TTC31: variants seen among roughly 807,000 people sequenced by gnomAD.
TTC31 encodes tetratricopeptide repeat protein 31.
In TTC31, 59 loss-of-function variants were observed where a neutral mutation model predicts 60.4. The observed-to-expected ratio is 0.98, with a 90% CI of 0.79 to 1.21. The LOEUF (loss-of-function observed/expected upper bound fraction) is 1.21. TTC31 is among the 50% of genes most tolerant of loss of function. TTC31 has a pLI of 0.00. For synonymous variants in TTC31, 225 were observed against 249.6 expected (o/e 0.90, Z 0.93); for missense variants, 672 against 646.9 (o/e 1.04, Z -0.42).
intron 2 of TTC31, 43 bp from the exon 3 acceptor site, chr2:74,489,977 GGAACT>G (rs1318303680): frequency 7.2e-7 from 1 of 1,387,648 alleles, no homozygotes; most frequent in Non-Finnish European, 1.0e-6. Flanking sequence ...GCTCTCTCCA[GGAACT>G]GCCCCCAACA....
intron 2 of TTC31, chr2:74,483,625 G>A (rs1672715544): frequency 2.1e-6 from 3 of 1,411,598 alleles, no homozygotes; most frequent in South Asian, 1.4e-5. Flanking sequence ...GAAGTGGGTA[G>A]AATTGAGCAG....
Position 74,492,975 on chromosome 2 carries a change from G to A in TTC31, c.1317G>A (p.Gln439=). Residue 439 remains glutamine (Q), a synonymous_variant, in exon 13 of 13, where the codon CAG becomes CAA. Transcript: ENST00000233623. ...CACCTCTGTCACCTGGGGCCCTCCA[G>A]CCACTTCCCCATGCTGAGCTGGCAC... is the stretch of plus-strand genomic sequence containing the variant. The part of the protein sequence containing the change: ...CAPPLSPGAL[Q]PLPHAELAPS... The A allele has an allele frequency of 6.2e-7, 1 of 1,613,856 alleles. No homozygotes were observed. Among genetic ancestry groups the A allele is most frequent in the Non-Finnish European group, 8.5e-7 (1 of 1,179,776 alleles).
In TTC31 at chr2:74,492,351, C is replaced by CG. The variant is rs759411925; in HGVS notation, c.1068dup (p.Trp357ValfsTer5). 3.8e-6 allele frequency: 6 copies of CG among 1,564,492 alleles called. No homozygotes were observed. Among genetic ancestry groups the CG allele is most frequent in the Non-Finnish European group, 5.2e-6 (6 of 1,152,568 alleles). ...TGCCATGAGCGGTTGGGTCAGCCAG[C>CG]GTGGGCCCTGGCTGATGCCCAGGTG... On this transcript the variant is annotated frameshift_variant, in exon 11 of 13. Coordinates refer to ENST00000233623, the MANE Select transcript of TTC31 (RefSeq NM_022492.6). LOFTEE classifies it high-confidence loss of function.
chr2:74,490,241 C>CAA lies in TTC31; in HGVS notation c.233-2_233-1insAA. ...TTTCCTGTCTCTTTCTCCCTCCTGA[C>CAA]AGATTACCTCCTGGGCCACTTGGAT... On this transcript the variant is annotated splice_region_variant and splice_polypyrimidine_tract_variant and intron_variant, in intron 3 of 12. Coordinates refer to ENST00000233623, the MANE Select transcript of TTC31 (RefSeq NM_022492.6). 1 of 1,613,368 alleles carries CAA rather than the reference C, an allele frequency of 6.2e-7. No homozygotes were observed.
At position 74,493,353 on chromosome 2, in the gene TTC31, C is replaced by A; in HGVS notation, c.*135C>A. 1 of 949,242 alleles carries A rather than the reference C, an allele frequency of 1.1e-6. No homozygotes were observed. The highest frequency in any genetic ancestry group is 1.5e-6 in the Non-Finnish European group (1 of 657,936). 58.8% of individuals were successfully genotyped at this position (949,242 alleles called of 1,614,324 possible). ...GTTAATGATGCCCTGGCAGTCATTC[C>A]TCTTGCCATGGGGAAGCTTCTGATG... is the stretch of plus-strand genomic sequence containing the variant. On this transcript the variant is annotated 3_prime_UTR_variant, in exon 13 of 13. Coordinates refer to ENST00000233623, the MANE Select transcript of TTC31 (RefSeq NM_022492.6).
rs1215435209 is a variant in TTC31 at position 74,490,891 on chromosome 2, C to T, written c.546+152C>T. 5.4e-6 allele frequency: 5 copies of T among 922,378 alleles called. No homozygotes were observed. In the East Asian group the frequency reaches 1.3e-4, roughly 24 times the overall value. The allele number at this position is 922,378 out of a possible 1,614,324, so 57.1% of individuals were successfully genotyped here. ...AAGGGGCCCAGGGACTGGGGGGTCT[C>T]TCACAGGCCATCTGGTGCAGTGGTT... is the stretch of plus-strand genomic sequence containing the variant. On this transcript the variant is annotated intron_variant, in intron 5 of 12. Coordinates refer to ENST00000233623, the MANE Select transcript of TTC31 (RefSeq NM_022492.6).
Position 74,491,835 on chromosome 2 carries a change from C to T in TTC31, c.876+163C>T, listed in dbSNP as rs559063558. 4.0e-5 allele frequency: 56 copies of T among 1,387,670 alleles called. No homozygotes were observed. The East Asian group carries it at 5.2e-4, about 13-fold the overall frequency. The allele number at this position is 1,387,670 out of a possible 1,614,324, so 86.0% of individuals were successfully genotyped here. A position where few individuals can be genotyped will look rare whatever the true frequency, so the allele number is the denominator to read the frequency against. On this transcript the variant is annotated intron_variant, in intron 8 of 12. Coordinates refer to ENST00000233623, the MANE Select transcript of TTC31 (RefSeq NM_022492.6). ...GGCCCCATCACTGTCACCATGACCCCGGGTGGTTTCCTGTCTAGGAAGATA... is the reference window on the plus strand; with the variant it reads ...GGCCCCATCACTGTCACCATGACCCTGGGTGGTTTCCTGTCTAGGAAGATA...
chr2:74,483,115 C>T lies in TTC31; in HGVS notation c.20C>T (p.Thr7Ile), dbSNP rs200922006. MAPIPK[T>I]VGRIKLDCSL... ...GATGCGATGGCGCCGATTCCAAAGA[C>T]TGTGGGGCGGATCAAGCTAGGTGAG... The change falls in exon 1 of 13, where the codon ACT (threonine) becomes ATT (isoleucine). Residue 7 changes from threonine (T) to isoleucine (I), a missense_variant. Thr to Ile is a moderately conservative substitution (Grantham distance 89, BLOSUM62 -1). Coordinates refer to ENST00000233623, the MANE Select transcript of TTC31 (RefSeq NM_022492.6). The T allele has an allele frequency of 6.2e-6, 10 of 1,614,100 alleles. No individual in the cohort carries two copies. The highest frequency in any genetic ancestry group is 1.7e-5 in the Admixed American group (1 of 60,006).
Position 74,490,017 on chromosome 2 carries a change from C to T in TTC31, c.130-8C>T, listed in dbSNP as rs746817938. On this transcript the variant is annotated splice_region_variant and splice_polypyrimidine_tract_variant and intron_variant, in intron 2 of 12. Coordinates refer to ENST00000233623, the MANE Select transcript of TTC31 (RefSeq NM_022492.6). ...ACCAGCCTCCCCTCCCCTCCCCTCC[C>T]CTCCCAGGACATAGTGGATTTTCTT... 6.5e-7 allele frequency: 1 copy of T among 1,543,450 alleles called. No individual in the cohort carries two copies. Among genetic ancestry groups the T allele is most frequent in the South Asian group, 1.2e-5 (1 of 84,004 alleles).
chr2:74,490,066 C>A lies in TTC31; in HGVS notation c.171C>A (p.Pro57=), dbSNP rs981822615. ...TTCGACGGCTTGTGGAGAGTGATCC[C>A]CAGGGCCTGCACCGGATCCATGTGG... is the stretch of plus-strand genomic sequence containing the variant. ...DFLRRLVESD[P]QGLHRIHVDG... Residue 57 remains proline, a synonymous_variant, in exon 3 of 13, where the codon CCC becomes CCA. Coordinates refer to ENST00000233623, the MANE Select transcript of TTC31 (RefSeq NM_022492.6). 2 of 1,580,278 alleles carry A rather than the reference C, an allele frequency of 1.3e-6. No homozygotes were observed. Among genetic ancestry groups the A allele is most frequent in the African/African-American group, 2.7e-5 (2 of 74,422 alleles).
chr2:74,483,624 A>G, intron 2 of TTC31: 2 of 1,411,794 alleles, frequency 1.4e-6, no homozygotes, highest in Non-Finnish European at 1.9e-6. Flanking sequence ...CGAAGTGGGT[A>G]GAATTGAGCA....
chr2:74,483,639 AGGG>A, intron 2 of TTC31: 2 of 1,376,888 alleles, frequency 1.5e-6, no homozygotes, highest in Non-Finnish European at 1.9e-6. Flanking sequence ...TGAGCAGACA[AGGG>A]TCTCTGAGTT....
At chr2:74,483,510 G>C (rs746761834) in intron 2 of TTC31, 100 bp downstream of exon 2, 27 of 1,579,668 alleles carry the variant, frequency 1.7e-5, no homozygotes, top group Non-Finnish European at 2.0e-5. Context: ...GCCAGACGGG[G>C]CTCTGGAGGC....
At chr2:74,489,278 G>A (rs371616450) in intron 2 of TTC31, among the ~76,000 whole-genome samples, 1 of 152,336 alleles carries the variant, frequency 6.6e-6, no homozygotes, top group East Asian at 1.9e-4. Context: ...ATTTGAACTG[G>A]ACCTTGAAGG....
chr2:74,483,521 T>A (rs756452664), intron 2 of TTC31, 111 bp downstream of exon 2: 9 of 1,566,472 alleles, frequency 5.7e-6, no homozygotes, highest in Non-Finnish European at 7.8e-6. Context: ...CTCTGGAGGC[T>A]TTGGGGAGTT....
chr2:74,487,985 T>C (rs920246224), intron 2 of TTC31, among the ~76,000 whole-genome samples: 8 of 152,132 alleles, frequency 5.3e-5, no homozygotes, highest in African/African-American at 1.9e-4. Context: ...CAGCCATATT[T>C]ATTTATCGAG....
intron 6 of TTC31, 41 bp from the exon 7 acceptor site, chr2:74,491,254 C>T (rs749232616): frequency 6.2e-7 from 1 of 1,614,102 alleles, no homozygotes; most frequent in South Asian, 1.1e-5. Flanking sequence ...GCAGGCAGCT[C>T]AAGGTGATCC....
chr2:74,488,981 G>C (rs370401730), intron 2 of TTC31, among the ~76,000 whole-genome samples: 1 of 152,134 alleles, frequency 6.6e-6, no homozygotes, highest in Non-Finnish European at 1.5e-5. Flanking sequence ...GCTTGAACAC[G>C]GGAGGCAGAG....
In TTC31 at chr2:74,491,691, C is replaced by T. The variant is rs748574038; in HGVS notation, c.876+19C>T. On this transcript the variant is annotated intron_variant, in intron 8 of 12. Coordinates refer to ENST00000233623, the MANE Select transcript of TTC31 (RefSeq NM_022492.6). The stretch of plus-strand genomic sequence containing the variant: ...GGTACAGGTGAGGTGGCTGAAGAAC[C>T]TTATTCAGCTGGAACCGTGGAAGGG... 1 of 1,612,244 alleles carries T rather than the reference C, an allele frequency of 6.2e-7. No homozygotes were observed. Among genetic ancestry groups the T allele is most frequent in the East Asian group, 2.2e-5 (1 of 44,856 alleles).
Sources: gnomAD v4.1 joint callset for allele counts (sites outside exome capture counted in the v4.1 genomes callset) on GRCh38, gnomAD v4.1.1 for gene constraint, MANE v1.5 for transcripts, NCBI Gene and HGNC (gene_info 2026-07-23, HGNC 2026-07-21) for gene names.